Variants in PGAP1 observed in about 807,000 individuals in gnomAD.
PGAP1 encodes the protein GPI inositol-deacylase.
In PGAP1, 76 loss-of-function variants were observed where a neutral mutation model predicts 127.0. The ratio of observed to expected loss-of-function variants is 0.60; its 90% CI spans 0.50 to 0.72. The LOEUF (loss-of-function observed/expected upper bound fraction) is 0.72. PGAP1 is among the 30% of genes least tolerant of loss of function. The pLI is 0.00. For missense variants in PGAP1, 982 were observed against 1,071.3 expected (o/e 0.92, Z 1.16); for synonymous variants, 362 against 366.5 (o/e 0.99, Z 0.14).
intron 7 of PGAP1, among the ~76,000 whole-genome samples, chr2:196,896,568 G>A (rs1039705887): frequency 6.6e-6 from 1 of 152,020 alleles, no homozygotes; most frequent in South Asian, 2.1e-4. Context: ...AAAGAAGGCC[G>A]GGTGTAGTAG....
intron 20 of PGAP1, among the ~76,000 whole-genome samples, chr2:196,850,316 G>A (rs1028265218): frequency 1.3e-5 from 2 of 152,144 alleles, no homozygotes; most frequent in African/African-American, 4.8e-5. Context: ...AGTATGCCAG[G>A]ATCTAACTGA....
chr2:196,906,769 G>A (rs1702731356), intron 4 of PGAP1, among the ~76,000 whole-genome samples: 1 of 18,762 alleles, frequency 5.3e-5, no homozygotes, highest in African/African-American at 2.2e-4. Flanking sequence ...AGCTGATGGA[G>A]CTGAAAACCA....
intron 1 of PGAP1, among the ~76,000 whole-genome samples, chr2:196,921,860 T>C (rs1467778636): frequency 6.6e-6 from 1 of 151,972 alleles, no homozygotes; most frequent in African/African-American, 2.4e-5. Context: ...TGTAGGCAAA[T>C]GGCAAAACTC....
intron 6 of PGAP1, 119 bp downstream of exon 6, chr2:196,898,198 A>G (rs1190101136): frequency 1.6e-6 from 1 of 631,028 alleles, no homozygotes; most frequent in Non-Finnish European, 2.7e-6. Context: ...AGCCTGGGCA[A>G]CAGAGCGAGA....
chr2:196,895,356 G>A (rs1481681837), intron 7 of PGAP1, among the ~76,000 whole-genome samples: 3 of 151,984 alleles, frequency 2.0e-5, no homozygotes, highest in Admixed American at 6.6e-5. Flanking sequence ...TTCACCAGTC[G>A]GAATAAGGTT....
chr2:196,892,245 G>T, intron 9 of PGAP1, 101 bp downstream of exon 9: 1 of 575,544 alleles, frequency 1.7e-6, no homozygotes. Context: ...TGGGAAAATG[G>T]CATGCAGTTA....
At chr2:196,841,562 G>C (rs1700413396) in intron 26 of PGAP1, among the ~76,000 whole-genome samples, 190 bp from the exon 27 acceptor site, 1 of 152,062 alleles carries the variant, frequency 6.6e-6, no homozygotes. Context: ...CTGTTGCCCA[G>C]GCTGGAGTGC....
At position 196,905,389 on chromosome 2, in the gene PGAP1, T is replaced by C. The variant is rs1171448010; in HGVS notation, c.650-2647A>G. 3.9e-5 allele frequency among the ~76,000 whole-genome samples: 6 copies of C among 152,198 alleles called. No individual in the cohort carries two copies. In the East Asian group the frequency reaches 5.8e-4, roughly 15 times the overall value. On this transcript the variant is annotated intron_variant, in intron 4 of 26. Coordinates refer to ENST00000354764, the MANE Select transcript of PGAP1 (RefSeq NM_024989.4). ...TTATTAAAATTAAAATGTTTCCTTATTAAAAGACTTCTACAAGCAAAGTTT... is the reference window on the plus strand; with the variant it reads ...TTATTAAAATTAAAATGTTTCCTTACTAAAAGACTTCTACAAGCAAAGTTT...
chr2:196,894,632 C>T (rs1702214586), intron 7 of PGAP1, among the ~76,000 whole-genome samples: 1 of 152,092 alleles, frequency 6.6e-6, no homozygotes, highest in Non-Finnish European at 1.5e-5. Context: ...GAAACCCTGT[C>T]TCTACTAAAA....
Position 196,926,465 on chromosome 2 carries a change from C to G in PGAP1, c.147+5G>C, listed in dbSNP as rs1206369120. 6.2e-7 allele frequency: 1 copy of G among 1,613,894 alleles called. No individual in the cohort carries two copies. Among genetic ancestry groups the G allele is most frequent in the East Asian group, 2.2e-5 (1 of 44,860 alleles). ...CGCCCGGCTGAGGAGAGGGCAGAAC[C>G]TTACCTGATACTCCGGGTACTCAAA... On this transcript the variant is annotated splice_donor_5th_base_variant and intron_variant, in intron 1 of 26. Transcript: ENST00000354764.
In PGAP1 at chr2:196,893,156, T is replaced by G; in HGVS notation, c.1017A>C (p.Ile339=). The G allele has an allele frequency of 6.3e-7, 1 of 1,584,466 alleles. No homozygotes were observed. The highest frequency in any genetic ancestry group is 1.3e-5 in the African/African-American group (1 of 74,336). ...PSKHFEENPA[I]ISDLTGTSMW... ...GTCACCAACCTGTTAAGTCAGAAAT[T>G]ATAGCTGGATTTTCCTCAAAATGTT... The change falls in exon 8 of 27, where the codon ATA becomes ATC. Residue 339 remains isoleucine (I), a synonymous_variant. Coordinates refer to ENST00000354764, the MANE Select transcript of PGAP1 (RefSeq NM_024989.4).
chr2:196,841,779 A>G (rs570930998), intron 26 of PGAP1, among the ~76,000 whole-genome samples: 82 of 152,292 alleles, frequency 5.4e-4, no homozygotes, highest in African/African-American at 1.9e-3. Context: ...GGCCTCCCAA[A>G]ATGCTGGGAT....
At position 196,865,064 on chromosome 2, in the gene PGAP1, C is replaced by T. The variant is rs372173608; in HGVS notation, c.1784G>A (p.Gly595Asp). Residue 595 changes from glycine to aspartate, a missense_variant, in exon 20 of 27, where the codon GGT (glycine) becomes GAT (aspartate). Transcript: ENST00000354764. ...TACGACATAAGCAGGAAGAGCTCCA[C>T]CATGAAATCTAACTACCTAAAAAAC... ...QILGQVVRFHGGALPAYVVSN... is the reference protein window; with the variant it reads ...QILGQVVRFHDGALPAYVVSN... 1.9e-6 allele frequency: 3 copies of T among 1,559,362 alleles called. No individual in the cohort carries two copies. Among genetic ancestry groups the T allele is most frequent in the Non-Finnish European group, 2.6e-6 (3 of 1,159,756 alleles).
intron 19 of PGAP1, among the ~76,000 whole-genome samples, chr2:196,868,816 C>G (rs1701322309): frequency 6.6e-6 from 1 of 152,110 alleles, no homozygotes; most frequent in Non-Finnish European, 1.5e-5. Context: ...TTCTGTGACT[C>G]AATCAGCAAC....
chr2:196,851,347 C>A (rs1469542519), intron 20 of PGAP1, among the ~76,000 whole-genome samples: 1 of 152,040 alleles, frequency 6.6e-6, no homozygotes, highest in Non-Finnish European at 1.5e-5. Flanking sequence ...GGACATCTGC[C>A]CAGCAACTAC....
chr2:196,917,738 TC>T (rs1249670920), intron 2 of PGAP1, among the ~76,000 whole-genome samples: 2 of 152,214 alleles, frequency 1.3e-5, no homozygotes, highest in Admixed American at 1.3e-4. Context: ...CATCTATTTA[TC>T]AGCTGATGGT....
chr2:196,887,352 C>T (rs1020761898), intron 10 of PGAP1, among the ~76,000 whole-genome samples: 2 of 152,056 alleles, frequency 1.3e-5, no homozygotes, highest in Non-Finnish European at 2.9e-5. Context: ...CCACTGCACT[C>T]CAGCCTGGGC....
In PGAP1 at chr2:196,902,655, T is replaced by A; in HGVS notation, c.737A>T (p.Asp246Val). The part of the protein sequence containing the change: ...TTLSVAGGFR[D>V]YQVRSGLTFL... ...AGTCAATCCTGAACGAACTTGGTAA[T>A]CCCGGAATCCTCCAGCTACAGAAAG... Residue 246 changes from aspartate to valine, a missense_variant, in exon 5 of 27, where the codon GAT becomes GTT. Coordinates refer to ENST00000354764, the MANE Select transcript of PGAP1 (RefSeq NM_024989.4). The A allele has an allele frequency of 6.2e-7, 1 of 1,613,590 alleles. No homozygotes were observed. Among genetic ancestry groups the A allele is most frequent in the African/African-American group, 1.3e-5 (1 of 75,036 alleles).
chr2:196,846,508 G>C (rs927324211), intron 22 of PGAP1, among the ~76,000 whole-genome samples: 1 of 152,016 alleles, frequency 6.6e-6, no homozygotes, highest in Non-Finnish European at 1.5e-5. Context: ...AGTGGCAATG[G>C]GCACTAGATT....
Sources: gnomAD v4.1 joint callset for allele counts (sites outside exome capture counted in the v4.1 genomes callset) on GRCh38, gnomAD v4.1.1 for gene constraint, MANE v1.5 for transcripts, NCBI Gene and HGNC (gene_info 2026-07-23, HGNC 2026-07-21) for gene names.